Variants in EHBP1 observed in about 807,000 individuals in gnomAD.
EHBP1 encodes the protein EH domain-binding protein 1.
In EHBP1, 55 loss-of-function variants were observed where a neutral mutation model predicts 144.0. The ratio of observed to expected loss-of-function variants is 0.38; its 90% CI spans 0.31 to 0.48. The LOEUF (loss-of-function observed/expected upper bound fraction) is 0.48, where lower values mean the gene tolerates loss of function less well. Ranked by LOEUF, EHBP1 falls within the 20% of genes least tolerant of loss-of-function variation. The pLI, the probability that EHBP1 is intolerant of heterozygous loss-of-function variation, is 0.98. For synonymous variants in EHBP1, 469 were observed against 472.7 expected (o/e 0.99, Z 0.10); for missense variants, 1,200 against 1,364.2 (o/e 0.88, Z 1.90).
intron 19 of EHBP1, among the ~76,000 whole-genome samples, chr2:63,023,567 T>G (rs1012966192): frequency 2.0e-5 from 3 of 152,226 alleles, no homozygotes; most frequent in Admixed American, 2.0e-4. Context: ...TGACTGGTTG[T>G]AGACTGCTCT....
chr2:62,787,796 G>T (rs991550762), intron 5 of EHBP1, among the ~76,000 whole-genome samples: 2 of 152,068 alleles, frequency 1.3e-5, no homozygotes, highest in African/African-American at 4.8e-5. Flanking sequence ...TTAATCCCTG[G>T]GTAGAATTAT....
At chr2:62,734,605 G>A (rs1246948596) in intron 2 of EHBP1, among the ~76,000 whole-genome samples, 3 of 152,096 alleles carry the variant, frequency 2.0e-5, no homozygotes, top group African/African-American at 7.2e-5. Flanking sequence ...TTGAACCTCT[G>A]ACAATCTTTT....
intron 2 of EHBP1, among the ~76,000 whole-genome samples, chr2:62,746,359 GT>G (rs2039152446): frequency 6.6e-6 from 1 of 151,970 alleles, no homozygotes; most frequent in South Asian, 2.1e-4. Context: ...TGAGTGAGGA[GT>G]TTAAGGCTGG....
intron 18 of EHBP1, 145 bp from the exon 19 acceptor site, chr2:62,996,498 T>C: frequency 1.1e-6 from 1 of 923,838 alleles, no homozygotes; most frequent in Non-Finnish European, 1.6e-6. Flanking sequence ...ATTTTTTGAA[T>C]CACAGAGAGT....
At chr2:62,835,180 T>C (rs2047116158) in intron 7 of EHBP1, among the ~76,000 whole-genome samples, 2 of 152,190 alleles carry the variant, frequency 1.3e-5, no homozygotes, top group Admixed American at 6.5e-5. Flanking sequence ...TTTTAAGTGC[T>C]TCTTTTATAT....
chr2:62,790,579 A>G (rs1172898578), intron 5 of EHBP1, among the ~76,000 whole-genome samples: 1 of 152,100 alleles, frequency 6.6e-6, no homozygotes, highest in East Asian at 1.9e-4. Flanking sequence ...TCCTATAAAC[A>G]CTTGTTGTGT....
chr2:62,779,040 T>C (rs184601294), intron 5 of EHBP1, among the ~76,000 whole-genome samples: 35 of 152,286 alleles, frequency 2.3e-4, no homozygotes, highest in Admixed American at 2.0e-3. Flanking sequence ...AAAGAGTGTC[T>C]AGTGCATATG....
rs577796738 is a variant in EHBP1, at chr2:62,845,593, C to G, written c.635-13576C>G. Reference sequence around the variant, plus strand: ...CTTAAAATAAATATGGGACTCTGGTCAGAGAGTAGGACCATTAATTTGCTC... The same window carrying G: ...CTTAAAATAAATATGGGACTCTGGTGAGAGAGTAGGACCATTAATTTGCTC... On this transcript the variant is annotated intron_variant, in intron 7 of 22. Coordinates refer to ENST00000431489, the MANE Select transcript of EHBP1 (RefSeq NM_001142616.3). Among the ~76,000 whole-genome samples the G allele has an allele frequency of 6.6e-5, 10 of 151,752 alleles. No individual in the cohort carries two copies. In the South Asian group the frequency reaches 2.1e-3, roughly 32 times the overall value.
At chr2:62,733,193 T>A (rs1353162042) in intron 2 of EHBP1, among the ~76,000 whole-genome samples, 1 of 152,252 alleles carries the variant, frequency 6.6e-6, no homozygotes, top group African/African-American at 2.4e-5. Context: ...TATGTGAAAT[T>A]GAGATAAAAT....
intron 10 of EHBP1, among the ~76,000 whole-genome samples, chr2:62,887,123 C>G (rs1440508468): frequency 6.6e-6 from 1 of 152,070 alleles, no homozygotes; most frequent in Non-Finnish European, 1.5e-5. Context: ...GATTACTATT[C>G]TACCATTTTC....
At chr2:62,746,538 A>G (rs2039172039) in intron 2 of EHBP1, among the ~76,000 whole-genome samples, 1 of 152,106 alleles carries the variant, frequency 6.6e-6, no homozygotes, top group South Asian at 2.1e-4. Flanking sequence ...AGAAGCTTTT[A>G]TCTAAGATTT....
intron 8 of EHBP1, among the ~76,000 whole-genome samples, chr2:62,862,831 A>G (rs1351995253): frequency 6.6e-6 from 1 of 152,198 alleles, no homozygotes; most frequent in African/African-American, 2.4e-5. Context: ...AAATTTTCCT[A>G]CAATTTGAGA....
intron 10 of EHBP1, among the ~76,000 whole-genome samples, chr2:62,876,918 C>T (rs958114670): frequency 1.3e-5 from 2 of 152,106 alleles, no homozygotes; most frequent in African/African-American, 4.8e-5. Context: ...CAACCATGGA[C>T]ACTATAAAGC....
intron 2 of EHBP1, among the ~76,000 whole-genome samples, chr2:62,721,823 T>C (rs2036249083): frequency 6.6e-6 from 1 of 152,230 alleles, no homozygotes; most frequent in Non-Finnish European, 1.5e-5. Flanking sequence ...CCTTTTGATA[T>C]CATTACTGCC....
chr2:62,912,381 C>G (rs1374385291), intron 10 of EHBP1, among the ~76,000 whole-genome samples: 8 of 151,850 alleles, frequency 5.3e-5, no homozygotes. Context: ...GTAAAACCCC[C>G]TCTCTACTAA....
At chr2:63,013,518 C>A (rs1354572058) in intron 19 of EHBP1, among the ~76,000 whole-genome samples, 2 of 152,036 alleles carry the variant, frequency 1.3e-5, no homozygotes, top group Non-Finnish European at 2.9e-5. Flanking sequence ...CTGCTTGAAA[C>A]CCCCCCAAAA....
intron 5 of EHBP1, among the ~76,000 whole-genome samples, chr2:62,795,902 A>G (rs922304814): frequency 1.3e-5 from 2 of 151,898 alleles, no homozygotes; most frequent in African/African-American, 2.4e-5. Flanking sequence ...TATAAATTGG[A>G]CTTGATTTTA....
intron 2 of EHBP1, among the ~76,000 whole-genome samples, chr2:62,721,652 G>A (rs1350479253): frequency 6.6e-6 from 1 of 152,098 alleles, no homozygotes; most frequent in Non-Finnish European, 1.5e-5. Context: ...TTTGCTTGTA[G>A]CGATCACTAC....
chr2:62,779,534 T>G (rs1261196974), intron 5 of EHBP1, among the ~76,000 whole-genome samples: 3 of 152,150 alleles, frequency 2.0e-5, no homozygotes. Flanking sequence ...TCAGAGAGTA[T>G]TGTTCTACAC....
Sources: allele counts gnomAD v4.1 joint callset (sites outside exome capture counted in the v4.1 genomes callset), GRCh38; gene constraint gnomAD v4.1.1; transcripts MANE v1.5; gene names NCBI Gene and HGNC (gene_info 2026-07-23, HGNC 2026-07-21).